The following TRPC4 variants were observed in gnomAD, a reference collection of about 807,000 sequenced individuals.
TRPC4 encodes the protein short transient receptor potential channel 4.
In TRPC4, 49 loss-of-function variants were observed where a neutral mutation model predicts 99.4. That is an observed-to-expected ratio of 0.49 (90% CI 0.39 to 0.63). TRPC4 has a LOEUF of 0.63. Among genes scored for constraint, TRPC4 ranks in the 20% least tolerant of loss-of-function variants. The pLI is 0.00. For missense variants in TRPC4, 898 were observed against 1,152.9 expected, an observed-to-expected ratio of 0.78 and a Z score of 3.20; for synonymous variants, 454 against 425.9, an observed-to-expected ratio of 1.07 and a Z score of -0.81.
In TRPC4 at chr13:37,868,052, A is replaced by C. The variant is rs1959885185; in HGVS notation, c.-28+1543T>G. 2.0e-5 allele frequency among the ~76,000 whole-genome samples: 3 copies of C among 152,278 alleles called. No individual in the cohort carries two copies. The South Asian group carries it at 6.2e-4, about 32-fold the overall frequency. ...TCGATTAAGGTTATTTTATATGAAA[A>C]GTTATTTGGTCTCTTACTGGTCTAA... On this transcript the variant is annotated intron_variant, in intron 1 of 10. Coordinates refer to ENST00000379705, the MANE Select transcript of TRPC4 (RefSeq NM_016179.4).
intron 2 of TRPC4, among the ~76,000 whole-genome samples, chr13:37,764,498 T>TTCCAC (rs1956306353): frequency 2.0e-5 from 3 of 151,360 alleles, no homozygotes; most frequent in Admixed American, 1.3e-4. Flanking sequence ...TTTGTTTTTA[T>TTCCAC]GTAGACAAAT....
chr13:37,686,179 C>T (rs981263589), intron 4 of TRPC4, among the ~76,000 whole-genome samples: 7 of 151,702 alleles, frequency 4.6e-5, no homozygotes, highest in Admixed American at 1.3e-4. Flanking sequence ...GGAAATTCAG[C>T]GGTGAGGCTG....
At chr13:37,773,567 C>T (rs931724415) in intron 2 of TRPC4, among the ~76,000 whole-genome samples, 9 of 151,772 alleles carry the variant, frequency 5.9e-5, no homozygotes, top group Non-Finnish European at 1.3e-4. Context: ...GCAGTACCCA[C>T]ATGGTGCTGG....
At chr13:37,806,433 A>G (rs1181163029) in intron 1 of TRPC4, among the ~76,000 whole-genome samples, 1 of 152,090 alleles carries the variant, frequency 6.6e-6, no homozygotes, top group Non-Finnish European at 1.5e-5. Flanking sequence ...AGGTAAAGAC[A>G]AAAGAAAAAC....
chr13:37,707,490 A>G (rs1954323562), intron 3 of TRPC4, among the ~76,000 whole-genome samples: 1 of 152,200 alleles, frequency 6.6e-6, no homozygotes, highest in Non-Finnish European at 1.5e-5. Context: ...GTCACAAGAC[A>G]TGAACAGAGT....
chr13:37,843,798 A>C (rs1187411448), intron 1 of TRPC4, among the ~76,000 whole-genome samples: 2 of 152,104 alleles, frequency 1.3e-5, no homozygotes, highest in Non-Finnish European at 2.9e-5. Context: ...CTACCACAGA[A>C]ATCTAACCAG....
chr13:37,824,822 G>T (rs1958149742), intron 1 of TRPC4, among the ~76,000 whole-genome samples: 1 of 151,850 alleles, frequency 6.6e-6, no homozygotes, highest in African/African-American at 2.4e-5. Context: ...TTTTTCTATT[G>T]ATTGGAATAG....
intron 3 of TRPC4, among the ~76,000 whole-genome samples, chr13:37,713,522 C>T (rs563961506): frequency 6.6e-6 from 1 of 152,264 alleles, no homozygotes; most frequent in East Asian, 1.9e-4. Context: ...GAATAACCAA[C>T]ATAGTCCCTT....
At chr13:37,712,278 CT>C (rs1467892491) in intron 3 of TRPC4, among the ~76,000 whole-genome samples, 8 of 152,142 alleles carry the variant, frequency 5.3e-5, no homozygotes. Context: ...TTACCCAATG[CT>C]ACATAGTACA....
At chr13:37,846,115 C>T (rs1378340857) in intron 1 of TRPC4, among the ~76,000 whole-genome samples, 2 of 152,014 alleles carry the variant, frequency 1.3e-5, no homozygotes, top group East Asian at 3.9e-4. Context: ...TAAAAACTTT[C>T]CCAGACAAAC....
In TRPC4 at chr13:37,745,449, T is replaced by A. The variant is rs369240906; in HGVS notation, c.897+488A>T. On this transcript the variant is annotated intron_variant, in intron 3 of 10. Coordinates refer to ENST00000379705, the MANE Select transcript of TRPC4 (RefSeq NM_016179.4). ...ATATATATATGCGTATATATATATA[T>A]ATATATATATATATATATATATATA... is the stretch of plus-strand genomic sequence containing the variant. Among the ~76,000 whole-genome samples, 9 of 2,374 alleles carry A rather than the reference T, an allele frequency of 3.8e-3. No individual in the cohort carries two copies. In the East Asian group the frequency reaches 0.21, roughly 56 times the overall value. 1.6% of individuals were successfully genotyped at this position (2,374 alleles called of 152,430 possible). A position where few individuals can be genotyped will look rare whatever the true frequency, so the allele number is the denominator to read the frequency against.
At chr13:37,777,211 C>T (rs1831799) in intron 2 of TRPC4, among the ~76,000 whole-genome samples, 68,695 of 151,772 alleles carry the variant, frequency 0.45, 15,848 homozygotes, top group Middle Eastern at 0.5. Flanking sequence ...ATATAAAGAA[C>T]TACCTGAGAC....
intron 2 of TRPC4, among the ~76,000 whole-genome samples, chr13:37,756,606 C>T (rs573648479): frequency 1.7e-4 from 26 of 149,568 alleles, no homozygotes; most frequent in Non-Finnish European, 3.7e-4. Flanking sequence ...GATCTTGGCT[C>T]ACTGCAATCT....
At chr13:37,858,383 G>A (rs1421825048) in intron 1 of TRPC4, among the ~76,000 whole-genome samples, 2 of 151,446 alleles carry the variant, frequency 1.3e-5, no homozygotes, top group Non-Finnish European at 3.0e-5. Context: ...TAAAAATGGA[G>A]CTGCTGTATG....
chr13:37,689,832 CTATT>C (rs1566098354), intron 4 of TRPC4, among the ~76,000 whole-genome samples: 1 of 152,148 alleles, frequency 6.6e-6, no homozygotes, highest in African/African-American at 2.4e-5. Context: ...TATCACAAAT[CTATT>C]TGTTTATTAC....
intron 8 of TRPC4, among the ~76,000 whole-genome samples, chr13:37,649,516 C>A (rs1224506114): frequency 1.3e-5 from 2 of 151,762 alleles, no homozygotes; most frequent in African/African-American, 4.8e-5. Context: ...GGGCAGATTA[C>A]GAGGTCAGGA....
At chr13:37,829,592 C>A (rs1958352182) in intron 1 of TRPC4, among the ~76,000 whole-genome samples, 2 of 152,048 alleles carry the variant, frequency 1.3e-5, no homozygotes, top group African/African-American at 4.8e-5. Context: ...AGTGGTTCCT[C>A]AAAAAAATTA....
At chr13:37,677,562 G>C (rs552282904) in intron 4 of TRPC4, among the ~76,000 whole-genome samples, 1 of 152,234 alleles carries the variant, frequency 6.6e-6, no homozygotes, top group African/African-American at 2.4e-5. Flanking sequence ...TAGGTATATA[G>C]AGGGATATAA....
At chr13:37,867,827 T>C (rs1454611618) in intron 1 of TRPC4, among the ~76,000 whole-genome samples, 1 of 152,148 alleles carries the variant, frequency 6.6e-6, no homozygotes, top group African/African-American at 2.4e-5. Flanking sequence ...TGTTTTTTAA[T>C]ATTTATTTAG....
Sources: gnomAD v4.1 joint callset for allele counts (sites outside exome capture counted in the v4.1 genomes callset) on GRCh38, gnomAD v4.1.1 for gene constraint, MANE v1.5 for transcripts, NCBI Gene and HGNC (gene_info 2026-07-23, HGNC 2026-07-21) for gene names.